Variants in SVOP observed in about 807,000 individuals in gnomAD.
SVOP encodes the protein SV2 related protein.
A neutral mutation model predicts 69.1 loss-of-function variants in SVOP; 17 were observed. The observed-to-expected ratio is 0.25, with a 90% CI of 0.17 to 0.37. The LOEUF (loss-of-function observed/expected upper bound fraction) is 0.37. Ranked by LOEUF, SVOP falls within the 10% of genes least tolerant of loss-of-function variation. The probability of loss-of-function intolerance (pLI) is 1.00; values close to 1 mark genes in which losing one functional copy is unlikely to be tolerated. For synonymous variants in SVOP, 238 were observed against 238.6 expected (o/e 1.00, Z 0.02); for missense variants, 435 against 597.5 (o/e 0.73, Z 2.84).
At chr12:108,930,002 G>A (rs1239478420) in intron 11 of SVOP, among the ~76,000 whole-genome samples, 1 of 152,188 alleles carries the variant, frequency 6.6e-6, no homozygotes, top group Non-Finnish European at 1.5e-5. Context: ...GTATAAGAGA[G>A]AGCTTTTCAA....
intron 5 of SVOP, among the ~76,000 whole-genome samples, chr12:108,962,097 C>A (rs1217585712): frequency 6.6e-6 from 1 of 152,142 alleles, no homozygotes; most frequent in Non-Finnish European, 1.5e-5. Context: ...TAACTTATTT[C>A]TTTCTTATTT....
chr12:108,918,444 G>A (rs759139245), intron 13 of SVOP, among the ~76,000 whole-genome samples: 10 of 152,214 alleles, frequency 6.6e-5, no homozygotes, highest in Non-Finnish European at 1.2e-4. Flanking sequence ...AGCAGGAATT[G>A]AGCCAGGGGC....
intron 1 of SVOP, among the ~76,000 whole-genome samples, chr12:109,001,312 T>G (rs2040268033): frequency 6.9e-6 from 1 of 144,550 alleles, no homozygotes; most frequent in South Asian, 2.3e-4. Context: ...TAAAAGAGGA[T>G]ACAAACAAAT....
Position 108,978,598 on chromosome 12 carries a change from C to T in SVOP, c.262G>A (p.Val88Ile). 1 of 703,994 alleles carries T rather than the reference C, an allele frequency of 1.4e-6. No homozygotes were observed. Among genetic ancestry groups the T allele is most frequent in the Non-Finnish European group, 2.6e-6 (1 of 384,958 alleles). 43.6% of individuals were successfully genotyped at this position (703,994 alleles called of 1,614,324 possible). A position where few individuals can be genotyped will look rare whatever the true frequency, so the allele number is the denominator to read the frequency against. The change falls in exon 3 of 16, where the codon GTT becomes ATT. Residue 88 changes from valine (V) to isoleucine (I), a missense_variant. Coordinates refer to ENST00000610966, the MANE Select transcript of SVOP (RefSeq NM_018711.5). ...CTTGCCCAAGCCAAGCCAGTGAGAA[C>T]AGACAGCTTCCACTGAAATTTTCCA... is the stretch of plus-strand genomic sequence containing the variant. ...GFGKFQWKLS[V>I]LTGLAWMADA...
At chr12:109,015,826 G>T (rs576763772) in intron 1 of SVOP, among the ~76,000 whole-genome samples, 1 of 152,222 alleles carries the variant, frequency 6.6e-6, no homozygotes, top group Admixed American at 6.5e-5. Flanking sequence ...AGTGAAATGG[G>T]AGGAAGAGGG....
chr12:108,949,915 T>C (rs2039945133), intron 6 of SVOP, among the ~76,000 whole-genome samples: 2 of 152,202 alleles, frequency 1.3e-5, no homozygotes, highest in Admixed American at 1.3e-4. Context: ...TAGCCCTCAC[T>C]GGACAGTTCC....
At chr12:109,001,298 G>T (rs1225023776) in intron 1 of SVOP, among the ~76,000 whole-genome samples, 1 of 137,096 alleles carries the variant, frequency 7.3e-6, no homozygotes, top group Non-Finnish European at 1.6e-5. Flanking sequence ...ACTGCTCAAG[G>T]AAATAAAAGA....
At chr12:109,017,742 C>A (rs1397195753) in intron 1 of SVOP, among the ~76,000 whole-genome samples, 1 of 152,016 alleles carries the variant, frequency 6.6e-6, no homozygotes, top group Non-Finnish European at 1.5e-5. Flanking sequence ...CAGTGTTTCA[C>A]CATGTTGGTC....
rs111723187 is a variant in SVOP at position 108,914,615 on chromosome 12, C to G, written c.1440+1168G>C. On this transcript the variant is annotated intron_variant, in intron 15 of 15. Coordinates refer to ENST00000610966, the MANE Select transcript of SVOP (RefSeq NM_018711.5). The stretch of plus-strand genomic sequence containing the variant: ...ACAAGGTCTCACTCTATCGCCCAGG[C>G]CGGAGTGTAGTGGAGCAATTTTGGC... Among the ~76,000 whole-genome samples the G allele has an allele frequency of 2.4e-3, 371 of 152,074 alleles. 1 individual carries two copies. The highest frequency in any genetic ancestry group is 3.4e-3 in the Non-Finnish European group (231 of 67,986).
chr12:108,982,889 ATCATCATCATTG>A, intron 2 of SVOP, among the ~76,000 whole-genome samples: 1 of 137,274 alleles, frequency 7.3e-6, no homozygotes, highest in South Asian at 2.3e-4. Flanking sequence ...TATCATCATC[ATCATCATCATTG>A]CCATCCTTAT....
intron 1 of SVOP, among the ~76,000 whole-genome samples, chr12:108,991,174 G>A (rs1052559316): frequency 2.0e-5 from 3 of 152,234 alleles, no homozygotes; most frequent in African/African-American, 7.2e-5. Context: ...CCTTGCAGCT[G>A]GAAGGCAGGT....
chr12:108,972,558 G>T, intron 4 of SVOP, 82 bp from the exon 5 acceptor site: 1 of 1,372,658 alleles, frequency 7.3e-7, no homozygotes, highest in Non-Finnish European at 1.0e-6. Context: ...AAGTGGTGAC[G>T]TCACCCTCTA....
chr12:109,009,001 A>C (rs1342456178), intron 1 of SVOP, among the ~76,000 whole-genome samples: 3 of 123,688 alleles, frequency 2.4e-5, no homozygotes, highest in South Asian at 4.8e-4. Context: ...TCGCTCTGTC[A>C]CCCAGGCTGG....
At chr12:108,952,537 C>T (rs529930790) in intron 6 of SVOP, among the ~76,000 whole-genome samples, 3 of 152,176 alleles carry the variant, frequency 2.0e-5, no homozygotes, top group Admixed American at 2.0e-4. Context: ...TGCCCAGGCC[C>T]CCTACACTAC....
chr12:109,018,104 G>GAATT (rs760542755), intron 1 of SVOP, among the ~76,000 whole-genome samples: 1 of 108,298 alleles, frequency 9.2e-6, no homozygotes, highest in Non-Finnish European at 1.7e-5. Flanking sequence ...AAGAATGGAT[G>GAATT]GATGAATGAA....
At chr12:109,003,009 AAAAAT>A (rs1217100908) in intron 1 of SVOP, among the ~76,000 whole-genome samples, 60 of 13,772 alleles carry the variant, frequency 4.4e-3, no homozygotes, top group East Asian at 0.062. Context: ...AAATAAAAAT[AAAAAT>A]AAAAAAACAA....
intron 15 of SVOP, among the ~76,000 whole-genome samples, chr12:108,914,017 C>G (rs1184248500): frequency 1.3e-5 from 2 of 152,228 alleles, no homozygotes; most frequent in Non-Finnish European, 2.9e-5. Context: ...CTGGCAGCAC[C>G]TGGCACCGTG....
chr12:108,975,719 T>G (rs533056484), intron 4 of SVOP, among the ~76,000 whole-genome samples: 44 of 152,276 alleles, frequency 2.9e-4, no homozygotes, highest in African/African-American at 1.0e-3. Context: ...TGTTGTTATT[T>G]GAGATGGAGT....
intron 1 of SVOP, among the ~76,000 whole-genome samples, chr12:109,015,274 G>A (rs1273072283): frequency 1.3e-5 from 2 of 152,092 alleles, no homozygotes; most frequent in Non-Finnish European, 2.9e-5. Flanking sequence ...GAGGTGAGAT[G>A]GGAACCATAG....
Sources: allele counts gnomAD v4.1 joint callset (sites outside exome capture counted in the v4.1 genomes callset), GRCh38; gene constraint gnomAD v4.1.1; transcripts MANE v1.5; gene names NCBI Gene and HGNC (gene_info 2026-07-23, HGNC 2026-07-21).